Variants in LARP1B observed in about 807,000 individuals in gnomAD.
LARP1B encodes the protein La ribonucleoprotein 1B, also known as la-related protein 1B.
In LARP1B, 76 loss-of-function variants were observed where a neutral mutation model predicts 114.2. The ratio of observed to expected loss-of-function variants is 0.67; its 90% CI spans 0.55 to 0.81. The LOEUF (loss-of-function observed/expected upper bound fraction) is 0.81. Among genes scored for constraint, LARP1B ranks in the 30% least tolerant of loss-of-function variants. LARP1B has a pLI of 0.00. For missense variants in LARP1B, 1,014 were observed against 1,075.8 expected (o/e 0.94, Z 0.80); for synonymous variants, 345 against 348.0 (o/e 0.99, Z 0.10).
At chr4:128,191,748 AT>A (rs933497877) in intron 15 of LARP1B, among the ~76,000 whole-genome samples, 1 of 150,736 alleles carries the variant, frequency 6.6e-6, no homozygotes, top group East Asian at 1.9e-4. Flanking sequence ...TGCCTTCATG[AT>A]TTTTTTTTCT....
intron 8 of LARP1B, among the ~76,000 whole-genome samples, chr4:128,102,309 G>A (rs1329162089): frequency 6.6e-6 from 1 of 152,170 alleles, no homozygotes; most frequent in African/African-American, 2.4e-5. Context: ...TCAGTGTCCT[G>A]AGACAGTAAT....
chr4:128,177,067 A>G (rs1190751365), intron 13 of LARP1B, among the ~76,000 whole-genome samples, 160 bp downstream of exon 13: 1 of 152,350 alleles, frequency 6.6e-6, no homozygotes, highest in South Asian at 2.1e-4. Context: ...GTCACCAAGA[A>G]CAAAGTGGAA....
intron 3 of LARP1B, among the ~76,000 whole-genome samples, chr4:128,077,054 C>G (rs901187471): frequency 9.9e-5 from 15 of 152,010 alleles, no homozygotes; most frequent in African/African-American, 3.6e-4. Flanking sequence ...GGTCAAGTTT[C>G]AAAAAATATT....
At chr4:128,175,134 T>A (rs1377292421) in intron 12 of LARP1B, among the ~76,000 whole-genome samples, 2 of 152,152 alleles carry the variant, frequency 1.3e-5, no homozygotes, top group Admixed American at 6.5e-5. Flanking sequence ...CCTGACTGTA[T>A]CTTCTTCATA....
Position 128,166,879 on chromosome 4 carries a change from T to C in LARP1B, c.1648+4562T>C, listed in dbSNP as rs531305434. ...GCATAATGTCCTCCAGTTTCATCCATGTTGTAGCAAATGGCAGGATCTCCT... is the reference window on the plus strand; with the variant it reads ...GCATAATGTCCTCCAGTTTCATCCACGTTGTAGCAAATGGCAGGATCTCCT... On this transcript the variant is annotated intron_variant, in intron 12 of 19. Coordinates refer to ENST00000326639, the MANE Select transcript of LARP1B (RefSeq NM_018078.4). Among the ~76,000 whole-genome samples the C allele has an allele frequency of 4.6e-5, 7 of 150,724 alleles. No homozygotes were observed. The South Asian group carries it at 1.5e-3, about 32-fold the overall frequency.
Position 128,107,848 on chromosome 4 carries a change from T to G in LARP1B, c.988+535T>G, listed in dbSNP as rs777488004. ...CCTGGATCATTTTTAAGACATTCCC[T>G]CTTGGGAAAAAATGTGTGCTTAAAC... On this transcript the variant is annotated intron_variant, in intron 9 of 19. Coordinates refer to ENST00000326639, the MANE Select transcript of LARP1B (RefSeq NM_018078.4). The G allele has an allele frequency of 1.4e-5, 21 of 1,477,564 alleles. No homozygotes were observed. In the African/African-American group the frequency reaches 3.1e-4, roughly 22 times the overall value. The allele number at this position is 1,477,564 out of a possible 1,614,324, so 91.5% of individuals were successfully genotyped here. A position where few individuals can be genotyped will look rare whatever the true frequency, so the allele number is the denominator to read the frequency against.
At chr4:128,093,773 C>T (rs1280653513) in intron 7 of LARP1B, among the ~76,000 whole-genome samples, 3 of 146,482 alleles carry the variant, frequency 2.0e-5, no homozygotes, top group Admixed American at 6.9e-5. Flanking sequence ...TGCAATGGCA[C>T]GATCTCGGCT....
chr4:128,221,429 T>A (rs1760024307), intron 7 of LARP1B, among the ~76,000 whole-genome samples: 1 of 152,210 alleles, frequency 6.6e-6, no homozygotes, highest in Non-Finnish European at 1.5e-5. Context: ...GTTTTCTGAG[T>A]TCTTTACAAT....
intron 11 of LARP1B, among the ~76,000 whole-genome samples, chr4:128,157,802 T>C (rs1177383142): frequency 6.6e-6 from 1 of 152,076 alleles, no homozygotes; most frequent in Admixed American, 6.6e-5. Flanking sequence ...AAAATGAAGG[T>C]AAAATAGAGA....
chr4:128,196,519 AAAAAAAT>A (rs760654498), intron 15 of LARP1B, among the ~76,000 whole-genome samples: 16 of 151,640 alleles, frequency 1.1e-4, no homozygotes, highest in Non-Finnish European at 1.9e-4. Flanking sequence ...ACCCTGTCTC[AAAAAAAT>A]AAAAAGTAAA....
chr4:128,111,562 G>A (rs1784125808), intron 9 of LARP1B, among the ~76,000 whole-genome samples: 1 of 152,088 alleles, frequency 6.6e-6, no homozygotes, highest in African/African-American at 2.4e-5. Flanking sequence ...TGTTGACTGG[G>A]TGTGGTGGTG....
At position 128,142,901 on chromosome 4, in the gene LARP1B, C is replaced by T. The variant is rs115568026; in HGVS notation, c.1525-19293C>T. Among the ~76,000 whole-genome samples the T allele has an allele frequency of 1.9e-3, 293 of 152,240 alleles. 1 individual carries two copies. The highest frequency in any genetic ancestry group is 5.9e-3 in the African/African-American group (244 of 41,550). Reference sequence around the variant, plus strand: ...CAGATCGCTTTCCTTTCATGGACAACGTGAGCTCTCAAGTTAACTGTAGTC... The same window carrying T: ...CAGATCGCTTTCCTTTCATGGACAATGTGAGCTCTCAAGTTAACTGTAGTC... On this transcript the variant is annotated intron_variant, in intron 11 of 19. Transcript: ENST00000326639.
intron 11 of LARP1B, among the ~76,000 whole-genome samples, chr4:128,153,928 C>T (rs545988244): frequency 7.7e-4 from 118 of 152,294 alleles, no homozygotes; most frequent in Non-Finnish European, 1.5e-3. Flanking sequence ...ATCCACTTAT[C>T]GTAACTTCTA....
chr4:128,098,809 A>C, intron 8 of LARP1B, among the ~76,000 whole-genome samples: 2 of 103,434 alleles, frequency 1.9e-5, no homozygotes, highest in African/African-American at 3.8e-5. Flanking sequence ...ACAGTGTCTC[A>C]CTCTGTTGCC....
intron 17 of LARP1B, among the ~76,000 whole-genome samples, chr4:128,201,077 AG>A (rs1195213721): frequency 6.6e-6 from 1 of 152,168 alleles, no homozygotes; most frequent in Non-Finnish European, 1.5e-5. Context: ...TCTTGGCAGG[AG>A]GCTTCAGTTC....
rs181786933 is a variant in LARP1B, at chr4:128,085,451, G to A, written c.358+3146G>A. On this transcript the variant is annotated intron_variant, in intron 5 of 19. Transcript: ENST00000326639. ...GACAGTCATAGCTCACTGCAGTCTT[G>A]AACTCTTGGGCTCAAGCGATCCTCC... is the stretch of plus-strand genomic sequence containing the variant. Among the ~76,000 whole-genome samples the A allele has an allele frequency of 2.8e-3, 387 of 139,810 alleles. 10 individuals are homozygous for A. In the Admixed American group the frequency reaches 0.03, roughly 11 times the overall value. The allele number at this position is 139,810 out of a possible 152,430, so 91.7% of individuals were successfully genotyped here. A position where few individuals can be genotyped will look rare whatever the true frequency, so the allele number is the denominator to read the frequency against.
chr4:128,126,367 C>T (rs1789617228), intron 11 of LARP1B, among the ~76,000 whole-genome samples: 1 of 152,150 alleles, frequency 6.6e-6, no homozygotes, highest in Non-Finnish European at 1.5e-5. Context: ...AAGTGATCTG[C>T]TTACCTCGGC....
chr4:128,210,978 G>GT lies in LARP1B; in HGVS notation c.*929dup. 1.1e-6 allele frequency: 1 copy of GT among 930,682 alleles called. No individual in the cohort carries two copies. Among genetic ancestry groups the GT allele is most frequent in the Non-Finnish European group, 1.3e-6 (1 of 780,198 alleles). 57.7% of individuals were successfully genotyped at this position (930,682 alleles called of 1,614,324 possible). A position where few individuals can be genotyped will look rare whatever the true frequency, so the allele number is the denominator to read the frequency against. ...ATCTTTAATTTAAAATGAATACTTAGTTTTACCTTTTTGTTTATTTTTTGT... is the reference window on the plus strand; with the variant it reads ...ATCTTTAATTTAAAATGAATACTTAGTTTTTACCTTTTTGTTTATTTTTTGT... On this transcript the variant is annotated 3_prime_UTR_variant, in exon 20 of 20. Coordinates refer to ENST00000326639, the MANE Select transcript of LARP1B (RefSeq NM_018078.4).
At chr4:128,094,110 A>G (rs753950718) in intron 7 of LARP1B, among the ~76,000 whole-genome samples, 3 of 151,396 alleles carry the variant, frequency 2.0e-5, no homozygotes, top group Non-Finnish European at 2.9e-5. Flanking sequence ...TATTTTTATT[A>G]GAGACAAGGT....
Sources: gnomAD v4.1 joint callset for allele counts (sites outside exome capture counted in the v4.1 genomes callset) on GRCh38, gnomAD v4.1.1 for gene constraint, MANE v1.5 for transcripts, NCBI Gene and HGNC (gene_info 2026-07-23, HGNC 2026-07-21) for gene names.